The following DCTN4 variants were observed in gnomAD, a reference collection of about 807,000 sequenced individuals.
DCTN4 encodes the protein dynactin 4 (p62).
DCTN4 carries 23 observed loss-of-function variants against 62.7 expected under a neutral mutation model. The ratio of observed to expected loss-of-function variants is 0.37; its 90% CI spans 0.26 to 0.52. The LOEUF (loss-of-function observed/expected upper bound fraction) is 0.52, where lower values mean the gene tolerates loss of function less well. Ranked by LOEUF, DCTN4 falls within the 20% of genes least tolerant of loss-of-function variation. DCTN4 has a pLI of 0.92. For synonymous variants in DCTN4, 199 were observed against 202.1 expected (o/e 0.98, Z 0.13); for missense variants, 514 against 580.4 (o/e 0.89, Z 1.18).
In DCTN4 at chr5:150,733,563, A is replaced by C. The variant is rs1274055041; in HGVS notation, c.430-88T>G. 4 of 843,294 alleles carry C rather than the reference A, an allele frequency of 4.7e-6. No homozygotes were observed. In the Admixed American group the frequency reaches 1.1e-4, roughly 24 times the overall value. The allele number at this position is 843,294 out of a possible 1,614,324, so 52.2% of individuals were successfully genotyped here. On this transcript the variant is annotated intron_variant, in intron 4 of 12. Coordinates refer to ENST00000447998, the MANE Select transcript of DCTN4 (RefSeq NM_016221.4). ...ACTACACTGACTAGACACATAATGA[A>C]TAGAGAAGACAAATTATTAAGATGG...
chr5:150,758,686 C>A, intron 1 of DCTN4, 173 bp downstream of exon 1: 1 of 1,313,462 alleles, frequency 7.6e-7, no homozygotes, highest in Non-Finnish European at 1.0e-6. Flanking sequence ...GAGGCTGCTC[C>A]TCCTTTCCAA....
chr5:150,747,443 A>T (rs1247725321), intron 3 of DCTN4, among the ~76,000 whole-genome samples: 1 of 152,242 alleles, frequency 6.6e-6, no homozygotes, highest in African/African-American at 2.4e-5. Context: ...AAACTACTTT[A>T]AAGTTCATAT....
At chr5:150,717,606 C>T (rs1759813382) in intron 11 of DCTN4, among the ~76,000 whole-genome samples, 1 of 152,134 alleles carries the variant, frequency 6.6e-6, no homozygotes, top group African/African-American at 2.4e-5. Flanking sequence ...AGGAGGCATA[C>T]CAGCTTCTAA....
At chr5:150,758,822 C>CG (rs751180932) in intron 1 of DCTN4, 37 bp downstream of exon 1, 13 of 1,606,452 alleles carry the variant, frequency 8.1e-6, no homozygotes, top group Non-Finnish European at 1.0e-5. Flanking sequence ...CCGCGCCCCC[C>CG]CCACCCCACA....
intron 4 of DCTN4, among the ~76,000 whole-genome samples, chr5:150,737,376 G>A (rs1411918078): frequency 2.0e-5 from 3 of 152,022 alleles, no homozygotes; most frequent in Admixed American, 6.6e-5. Context: ...CACAAAACAC[G>A]TCTCAATACA....
intron 5 of DCTN4, 63 bp from the exon 6 acceptor site, chr5:150,731,552 A>G: frequency 7.3e-7 from 1 of 1,372,464 alleles, no homozygotes; most frequent in Admixed American, 2.0e-5. Flanking sequence ...TTATCAAAAG[A>G]AAGAATTTTG....
At chr5:150,728,314 T>C (rs10053702) in intron 8 of DCTN4, among the ~76,000 whole-genome samples, 22,940 of 152,192 alleles carry the variant, frequency 0.15, 3,126 homozygotes, top group African/African-American at 0.36. Context: ...TTTATAATAA[T>C]CCAGTATATA....
chr5:150,739,955 G>A (rs1280364292), intron 4 of DCTN4, among the ~76,000 whole-genome samples: 1 of 152,076 alleles, frequency 6.6e-6, no homozygotes, highest in African/African-American at 2.4e-5. Context: ...TTAAATCTAA[G>A]ACCTGAAACC....
At chr5:150,747,075 A>T (rs970590445) in intron 3 of DCTN4, among the ~76,000 whole-genome samples, 1 of 152,196 alleles carries the variant, frequency 6.6e-6, no homozygotes, top group African/African-American at 2.4e-5. Flanking sequence ...TAAGCTGATA[A>T]GCAACTTCAG....
intron 4 of DCTN4, 99 bp from the exon 5 acceptor site, chr5:150,733,574 A>G (rs1399310872): frequency 2.7e-6 from 2 of 740,080 alleles, no homozygotes; most frequent in Non-Finnish European, 4.1e-6. Flanking sequence ...TAGAGAAGAC[A>G]AATTATTAAG....
At chr5:150,725,635 T>C (rs1760116512) in intron 8 of DCTN4, among the ~76,000 whole-genome samples, 2 of 152,212 alleles carry the variant, frequency 1.3e-5, no homozygotes, top group South Asian at 2.1e-4. Context: ...ATATATACTG[T>C]ATAGCTAAGC....
chr5:150,755,573 G>A (rs1271429532), intron 2 of DCTN4: 1 of 455,986 alleles, frequency 2.2e-6, no homozygotes, highest in Non-Finnish European at 4.4e-6. Context: ...CTAGTCTGAT[G>A]AGAAAAAAAC....
At chr5:150,716,571 T>C (rs751374448) in intron 11 of DCTN4, among the ~76,000 whole-genome samples, 2 of 152,216 alleles carry the variant, frequency 1.3e-5, no homozygotes, top group African/African-American at 2.4e-5. Context: ...GCTGTGCTTA[T>C]GCATCAGGTA....
intron 8 of DCTN4, among the ~76,000 whole-genome samples, chr5:150,727,706 G>A (rs1242413424): frequency 1.9e-4 from 29 of 149,704 alleles, no homozygotes; most frequent in Non-Finnish European, 2.5e-4. Flanking sequence ...AACCCGGGAG[G>A]CGGAGCTTGC....
At chr5:150,742,504 G>C (rs1178768361) in intron 3 of DCTN4, among the ~76,000 whole-genome samples, 3 of 152,166 alleles carry the variant, frequency 2.0e-5, no homozygotes, top group Non-Finnish European at 2.9e-5. Flanking sequence ...AAGTCACACG[G>C]AGAGTAAGTG....
In DCTN4 at chr5:150,733,357, C is replaced by G. The variant is rs376037513; in HGVS notation, c.537+11G>C. 29 of 1,603,428 alleles carry G rather than the reference C, an allele frequency of 1.8e-5. No homozygotes were observed. The East Asian group carries it at 3.6e-4, about 20-fold the overall frequency. ...GAGGTCTTGCAAATCATTTTAGTAC[C>G]AAATTCTCACCGAAAAAGCCAGAGG... is the stretch of plus-strand genomic sequence containing the variant. On this transcript the variant is annotated intron_variant, in intron 5 of 12. Coordinates refer to ENST00000447998, the MANE Select transcript of DCTN4 (RefSeq NM_016221.4).
chr5:150,715,579 A>G lies in DCTN4; in HGVS notation c.1155T>C (p.Phe385=). ...EYDELAEPQD[F]QDDPDIIAFR... ...AGATCACTCACTCAGGATCGTCCTG[A>G]AAGTCTTGAGGTTCTGCCAACTCAT... Residue 385 remains phenylalanine (F), a synonymous_variant, in exon 12 of 13, where the codon TTT becomes TTC. Transcript: ENST00000447998. 1.2e-6 allele frequency: 2 copies of G among 1,614,148 alleles called. No homozygotes were observed. The highest frequency in any genetic ancestry group is 1.7e-6 in the Non-Finnish European group (2 of 1,179,980).
chr5:150,724,424 T>C (rs1324741843), intron 8 of DCTN4, among the ~76,000 whole-genome samples: 1 of 152,216 alleles, frequency 6.6e-6, no homozygotes, highest in Non-Finnish European at 1.5e-5. Flanking sequence ...TTATGGGTTT[T>C]CTTTGGCATG....
intron 1 of DCTN4, chr5:150,758,327 G>A: frequency 2.0e-6 from 2 of 986,122 alleles, no homozygotes; most frequent in Middle Eastern, 5.2e-4. Flanking sequence ...TATTCTGAGC[G>A]CTTTTCACAT....
Sources: allele counts gnomAD v4.1 joint callset (sites outside exome capture counted in the v4.1 genomes callset), GRCh38; gene constraint gnomAD v4.1.1; transcripts MANE v1.5; gene names NCBI Gene and HGNC (gene_info 2026-07-23, HGNC 2026-07-21).